The following PIP4P2 variants were observed in gnomAD, a reference collection of about 807,000 sequenced individuals.
The protein encoded by PIP4P2 is phosphatidylinositol-4,5-bisphosphate 4-phosphatase 2, also known as type 2 phosphatidylinositol 4,5-bisphosphate 4-phosphatase.
PIP4P2 carries 19 observed loss-of-function variants against 33.3 expected under a neutral mutation model. The ratio of observed to expected loss-of-function variants is 0.57; its 90% confidence interval spans 0.40 to 0.84. PIP4P2 has a LOEUF of 0.84. Ranked by LOEUF, PIP4P2 falls within the 40% of genes least tolerant of loss-of-function variation. PIP4P2 has a pLI of 0.00. For missense variants in PIP4P2, 270 were observed against 324.7 expected (o/e 0.83, Z 1.29); for synonymous variants, 110 against 111.9 (o/e 0.98, Z 0.11).
chr8:91,016,193 A>G (rs1811912244), intron 4 of PIP4P2, among the ~76,000 whole-genome samples: 1 of 152,198 alleles, frequency 6.6e-6, no homozygotes, highest in South Asian at 2.1e-4. Flanking sequence ...GAGACAAACA[A>G]AGGCTCCTAG....
Position 90,994,009 on chromosome 8 carries a change from A to G in PIP4P2, c.*1668T>C, listed in dbSNP as rs998081573. On this transcript the variant is annotated 3_prime_UTR_variant, in exon 7 of 7. Coordinates refer to ENST00000285419, the MANE Select transcript of PIP4P2 (RefSeq NM_018710.3). ...AGCTTTCCAATCAATGAGGGAAAGA[A>G]TGGATTATTCAGTATACAATGCTGT... 10 of 152,334 alleles carry G rather than the reference A, an allele frequency of 6.6e-5. No homozygotes were observed. Among genetic ancestry groups the G allele is most frequent in the African/African-American group, 2.4e-4 (10 of 41,590 alleles). 9.4% of individuals were successfully genotyped at this position (152,334 alleles called of 1,614,324 possible).
chr8:91,002,481 G>A (rs1414322224), intron 5 of PIP4P2, among the ~76,000 whole-genome samples: 2 of 152,150 alleles, frequency 1.3e-5, no homozygotes, highest in Non-Finnish European at 2.9e-5. Context: ...TGTAGCTAGT[G>A]CTACAGGAAT....
At chr8:91,029,781 T>C (rs956105072) in intron 1 of PIP4P2, among the ~76,000 whole-genome samples, 7 of 152,162 alleles carry the variant, frequency 4.6e-5, no homozygotes, top group Admixed American at 1.3e-4. Context: ...CCATCCTGGC[T>C]AACACGGTGA....
chr8:91,027,891 C>T (rs1216744778), intron 1 of PIP4P2, among the ~76,000 whole-genome samples: 3 of 152,296 alleles, frequency 2.0e-5, no homozygotes, highest in East Asian at 3.9e-4. Context: ...AGAGCATACT[C>T]CCTTCACTAA....
intron 4 of PIP4P2, among the ~76,000 whole-genome samples, chr8:91,016,109 A>G (rs920817697): frequency 6.6e-6 from 1 of 152,242 alleles, no homozygotes; most frequent in Non-Finnish European, 1.5e-5. Flanking sequence ...GACGGAGACG[A>G]AAGTCTTTGA....
intron 5 of PIP4P2, among the ~76,000 whole-genome samples, chr8:91,002,618 A>T (rs772738269): frequency 1.3e-5 from 2 of 152,190 alleles, no homozygotes; most frequent in Non-Finnish European, 2.9e-5. Context: ...GGAGTAAGTC[A>T]TTTCAGCTGA....
Position 91,018,474 on chromosome 8 carries a change from A to G in PIP4P2, c.402T>C (p.Ser134=), listed in dbSNP as rs1041642284. 11 of 1,613,884 alleles carry G rather than the reference A, an allele frequency of 6.8e-6. No individual in the cohort carries two copies. Among genetic ancestry groups the G allele is most frequent in the Non-Finnish European group, 8.5e-6 (10 of 1,179,924 alleles). ...ATGCAGGCTGAGCTGGTTGTTCTTC[A>G]GAAATAAGCATTACTGGGCCAAGGT... The part of the protein sequence containing the change: ...IINLGPVMLI[S]EEQPAQPALP... Residue 134 remains serine, a synonymous_variant, in exon 4 of 7, where the codon TCT becomes TCC. Transcript: ENST00000285419.
chr8:91,031,424 T>G (rs144351485), intron 1 of PIP4P2, among the ~76,000 whole-genome samples: 1 of 152,296 alleles, frequency 6.6e-6, no homozygotes, highest in African/African-American at 2.4e-5. Context: ...TCTCAAACAA[T>G]AAAATGTCAT....
intron 4 of PIP4P2, among the ~76,000 whole-genome samples, chr8:91,015,728 C>T (rs1271262236): frequency 7.2e-5 from 11 of 152,170 alleles, no homozygotes; most frequent in African/African-American, 1.9e-4. Flanking sequence ...CCTGATGCAT[C>T]GACCTTACTG....
intron 4 of PIP4P2, among the ~76,000 whole-genome samples, chr8:91,010,822 A>G (rs1433200186): frequency 6.6e-6 from 1 of 151,800 alleles, no homozygotes; most frequent in African/African-American, 2.4e-5. Flanking sequence ...CAAGATTAAA[A>G]GCAACTTCTC....
At chr8:91,020,086 T>A in intron 3 of PIP4P2, 71 bp downstream of exon 3, 1 of 1,479,274 alleles carries the variant, frequency 6.8e-7, no homozygotes, top group Non-Finnish European at 9.4e-7. Context: ...AGCCTGGCAC[T>A]GAAGAACCTT....
chr8:90,995,491 G>T lies in PIP4P2; in HGVS notation c.*186C>A. On this transcript the variant is annotated 3_prime_UTR_variant, in exon 7 of 7. Transcript: ENST00000285419. ...TTATTATTCAAATTTTGAAAACCTA[G>T]CAGCAAAACAATTTGCATATAATAT... 1 of 551,508 alleles carries T rather than the reference G, an allele frequency of 1.8e-6. No individual in the cohort carries two copies. The highest frequency in any genetic ancestry group is 2.7e-6 in the Non-Finnish European group (1 of 371,134). The allele number at this position is 551,508 out of a possible 1,614,324, so 34.2% of individuals were successfully genotyped here. A position where few individuals can be genotyped will look rare whatever the true frequency, so the allele number is the denominator to read the frequency against.
chr8:91,022,791 A>G (rs1424596425), intron 1 of PIP4P2, among the ~76,000 whole-genome samples: 1 of 152,154 alleles, frequency 6.6e-6, no homozygotes, highest in Non-Finnish European at 1.5e-5. Context: ...ACTGCTAAGG[A>G]TTAGCAACAA....
intron 1 of PIP4P2, among the ~76,000 whole-genome samples, chr8:91,030,309 T>C (rs1282076368): frequency 6.6e-6 from 1 of 151,984 alleles, no homozygotes; most frequent in Non-Finnish European, 1.5e-5. Flanking sequence ...GAAAAGTGTA[T>C]AGATAGTAAT....
At position 90,996,731 on chromosome 8, in the gene PIP4P2, T is replaced by C; in HGVS notation, c.553A>G (p.Ser185Gly). The change falls in exon 6 of 7, where the codon AGT becomes GGT. Residue 185 changes from serine to glycine, a missense_variant. By Grantham distance (56) the Ser-to-Gly change is moderately conservative. Transcript: ENST00000285419. ...CAGCAGCGTCTTCGTGGAAGTGCAC[T>C]ACCCACTGAGGAGCTGCAAATTCAT... ...PHCKKISSVG[S>G]ALPRRRCCAY... 6.2e-7 allele frequency: 1 copy of C among 1,606,050 alleles called. No homozygotes were observed.
intron 1 of PIP4P2, among the ~76,000 whole-genome samples, chr8:91,036,017 A>G (rs919068177): frequency 1.3e-5 from 2 of 152,042 alleles, no homozygotes; most frequent in Non-Finnish European, 2.9e-5. Context: ...GTCTCAAGAA[A>G]AAAAAAACAA....
At chr8:91,024,652 A>G (rs543442850) in intron 1 of PIP4P2, among the ~76,000 whole-genome samples, 10 of 152,240 alleles carry the variant, frequency 6.6e-5, no homozygotes, top group African/African-American at 2.4e-4. Flanking sequence ...CTACATTTAA[A>G]AAGTCCACTG....
chr8:91,028,190 T>C (rs1291833860), intron 1 of PIP4P2, among the ~76,000 whole-genome samples: 1 of 152,220 alleles, frequency 6.6e-6, no homozygotes, highest in East Asian at 1.9e-4. Context: ...ATGGGTTACC[T>C]GCAAAGATGT....
chr8:90,997,759 C>A (rs147954481), intron 5 of PIP4P2, among the ~76,000 whole-genome samples: 1 of 152,022 alleles, frequency 6.6e-6, no homozygotes, highest in Non-Finnish European at 1.5e-5. Flanking sequence ...TTATGCCTAA[C>A]ACATAATAAC....
Sources: allele counts gnomAD v4.1 joint callset (sites outside exome capture counted in the v4.1 genomes callset), GRCh38; gene constraint gnomAD v4.1.1; transcripts MANE v1.5; gene names NCBI Gene and HGNC (gene_info 2026-07-23, HGNC 2026-07-21).